The following DOK6 variants were observed in gnomAD, a reference collection of about 807,000 sequenced individuals.
The protein encoded by DOK6 is docking protein 6.
A neutral mutation model predicts 44.0 loss-of-function variants in DOK6; 22 were observed. That is an observed-to-expected ratio of 0.50 (90% CI 0.36 to 0.71). The LOEUF is 0.71. Among genes scored for constraint, DOK6 ranks in the 30% least tolerant of loss-of-function variants. The probability of loss-of-function intolerance (pLI) is 0.00; values close to 1 mark genes in which losing one functional copy is unlikely to be tolerated. For synonymous variants in DOK6, 166 were observed against 145.5 expected (o/e 1.14, Z -1.01); for missense variants, 340 against 416.4 (o/e 0.82, Z 1.60).
chr18:69,499,985 G>A (rs1451155931), intron 1 of DOK6, among the ~76,000 whole-genome samples: 3 of 151,992 alleles, frequency 2.0e-5, no homozygotes, highest in African/African-American at 7.3e-5. Flanking sequence ...GCATCATTGT[G>A]GTATATGTAG....
intron 5 of DOK6, among the ~76,000 whole-genome samples, chr18:69,726,685 AT>A (rs907551434): frequency 4.0e-5 from 4 of 98,932 alleles, no homozygotes; most frequent in Non-Finnish European, 7.2e-5. Flanking sequence ...ATATACATAT[AT>A]TTTTTTTCTC....
chr18:69,716,083 G>A (rs990805780), intron 5 of DOK6, among the ~76,000 whole-genome samples: 4 of 152,212 alleles, frequency 2.6e-5, no homozygotes, highest in Admixed American at 6.5e-5. Context: ...CTGCGTCCCA[G>A]ATCTATTCAA....
chr18:69,445,579 G>T (rs1380819246), intron 1 of DOK6, among the ~76,000 whole-genome samples: 1 of 151,898 alleles, frequency 6.6e-6, no homozygotes, highest in Admixed American at 6.6e-5. Context: ...TTTTCCTTCA[G>T]TCTATTGTGG....
chr18:69,577,487 T>C (rs1006755775), intron 2 of DOK6, among the ~76,000 whole-genome samples: 4 of 152,184 alleles, frequency 2.6e-5, no homozygotes, highest in Non-Finnish European at 5.9e-5. Flanking sequence ...CATTAAGCAC[T>C]TACTAATATA....
At position 69,841,507 on chromosome 18, in the gene DOK6, G is replaced by A; in HGVS notation, c.*124G>A. On this transcript the variant is annotated 3_prime_UTR_variant, in exon 8 of 8. Coordinates refer to ENST00000382713, the MANE Select transcript of DOK6 (RefSeq NM_152721.6). ...TTGAAATGGGTCGGCTCTAGCCCCA[G>A]TCCCATTGGAAGGTTAAAAACTGGA... 1 of 1,340,826 alleles carries A rather than the reference G, an allele frequency of 7.5e-7. No homozygotes were observed. The highest frequency in any genetic ancestry group is 9.9e-7 in the Non-Finnish European group (1 of 1,010,494). 83.1% of individuals were successfully genotyped at this position (1,340,826 alleles called of 1,614,324 possible).
chr18:69,416,930 A>T (rs941445392), intron 1 of DOK6, among the ~76,000 whole-genome samples: 7 of 152,076 alleles, frequency 4.6e-5, no homozygotes, highest in Non-Finnish European at 8.8e-5. Flanking sequence ...TTTAATTTTT[A>T]AATTTTTTTA....
At chr18:69,617,527 GGAAA>G (rs1444292821) in intron 3 of DOK6, among the ~76,000 whole-genome samples, 3 of 67,216 alleles carry the variant, frequency 4.5e-5, no homozygotes, top group African/African-American at 1.6e-4. Context: ...AAGAAAGAAA[GGAAA>G]GAAAGAAAAG....
At chr18:69,461,999 T>C (rs1262403975) in intron 1 of DOK6, among the ~76,000 whole-genome samples, 2 of 152,194 alleles carry the variant, frequency 1.3e-5, no homozygotes, top group Non-Finnish European at 2.9e-5. Flanking sequence ...CAGACTACTT[T>C]CCCTTGCATT....
intron 1 of DOK6, among the ~76,000 whole-genome samples, chr18:69,542,353 A>C (rs1224690938): frequency 6.6e-6 from 1 of 151,528 alleles, no homozygotes; most frequent in Non-Finnish European, 1.5e-5. Flanking sequence ...AAACTATGTT[A>C]ATGTTTGTAA....
intron 7 of DOK6, among the ~76,000 whole-genome samples, chr18:69,834,413 T>C (rs1372945160): frequency 2.0e-5 from 3 of 151,612 alleles, no homozygotes; most frequent in Non-Finnish European, 4.4e-5. Flanking sequence ...CGTTGGTTAA[T>C]GGAAACAAAA....
intron 1 of DOK6, among the ~76,000 whole-genome samples, chr18:69,443,947 ATGT>A (rs1979207554): frequency 6.6e-6 from 1 of 151,552 alleles, no homozygotes; most frequent in Non-Finnish European, 1.5e-5. Flanking sequence ...CCATAAACAT[ATGT>A]ACACACACAT....
At chr18:69,758,083 T>C (rs1979419256) in intron 7 of DOK6, among the ~76,000 whole-genome samples, 1 of 152,224 alleles carries the variant, frequency 6.6e-6, no homozygotes, top group Non-Finnish European at 1.5e-5. Flanking sequence ...TTTCAAAAAT[T>C]ACTGTGAGGG....
Position 69,698,570 on chromosome 18 carries a change from G to A in DOK6, c.576G>A (p.Thr192=), listed in dbSNP as rs370000347. ...TGAGGAGATACGGTCGGGACTCAAC[G>A]TGGTTCACGTTTGAGTCAGGAAGGT... The part of the protein sequence containing the change: ...SSLRRYGRDS[T]WFTFESGRMC... Residue 192 remains threonine (T), a synonymous_variant, in exon 5 of 8, where the codon ACG becomes ACA. Coordinates refer to ENST00000382713, the MANE Select transcript of DOK6 (RefSeq NM_152721.6). 53 of 1,613,662 alleles carry A rather than the reference G, an allele frequency of 3.3e-5. No individual in the cohort carries two copies. The highest frequency in any genetic ancestry group is 1.7e-4 in the Middle Eastern group (1 of 6,020).
intron 7 of DOK6, among the ~76,000 whole-genome samples, chr18:69,763,064 C>T (rs188620293): frequency 1.6e-4 from 25 of 152,280 alleles, no homozygotes; most frequent in South Asian, 1.2e-3. Context: ...TTCCATGCTA[C>T]GCCCAGAAGG....
chr18:69,670,993 G>A (rs549694716), intron 3 of DOK6, among the ~76,000 whole-genome samples: 24 of 151,632 alleles, frequency 1.6e-4, no homozygotes, highest in East Asian at 7.8e-4. Flanking sequence ...ACACACACAC[G>A]CACACACGCG....
At chr18:69,447,614 GTTTC>G (rs1449782056) in intron 1 of DOK6, among the ~76,000 whole-genome samples, 3 of 152,044 alleles carry the variant, frequency 2.0e-5, no homozygotes, top group African/African-American at 7.2e-5. Context: ...ATCTTCATAA[GTTTC>G]TTTCTTCTAT....
intron 3 of DOK6, among the ~76,000 whole-genome samples, chr18:69,612,468 T>TGTGCGAGGGCGCATGTGC (rs1351653077): frequency 6.7e-6 from 1 of 149,726 alleles, no homozygotes; most frequent in African/African-American, 2.5e-5. Context: ...CGTGCATATG[T>TGTGCGAGGGCGCATGTGC]ATTTCTTGCT....
intron 7 of DOK6, among the ~76,000 whole-genome samples, chr18:69,787,374 T>A (rs186955297): frequency 6.6e-6 from 1 of 152,320 alleles, no homozygotes; most frequent in East Asian, 1.9e-4. Context: ...GTGTGTTAAC[T>A]TTATTTGTAA....
intron 3 of DOK6, among the ~76,000 whole-genome samples, chr18:69,635,347 A>C (rs1392206660): frequency 6.6e-6 from 1 of 152,176 alleles, no homozygotes; most frequent in Admixed American, 6.5e-5. Flanking sequence ...ACTGTGCAGG[A>C]CGTAGAAATG....
Sources: allele counts gnomAD v4.1 joint callset (sites outside exome capture counted in the v4.1 genomes callset), GRCh38; gene constraint gnomAD v4.1.1; transcripts MANE v1.5; gene names NCBI Gene and HGNC (gene_info 2026-07-23, HGNC 2026-07-21).